The following MGAM variants were observed in gnomAD, a reference collection of about 807,000 sequenced individuals.
MGAM encodes the protein maltase-glucoamylase.
Under a neutral mutation model 358.8 loss-of-function variants are expected in MGAM, and 253 were observed. The ratio of observed to expected loss-of-function variants is 0.71; its 90% confidence interval spans 0.64 to 0.78. The LOEUF is 0.78. Among genes scored for constraint, MGAM ranks in the 30% least tolerant of loss-of-function variants. The probability of loss-of-function intolerance (pLI) is 0.00; values close to 1 mark genes in which losing one functional copy is unlikely to be tolerated. For missense variants in MGAM, 3,080 were observed against 3,432.6 expected (o/e 0.90, Z 2.57); for synonymous variants, 1,105 against 1,227.1 (o/e 0.90, Z 2.08).
At chr7:142,043,083 AAT>A (rs373020647) in intron 21 of MGAM, among the ~76,000 whole-genome samples, 1,326 of 54,908 alleles carry the variant, frequency 0.024, 37 homozygotes, top group Middle Eastern at 0.04. Flanking sequence ...ATCTAAATAT[AAT>A]ATATATATTA....
intron 3 of MGAM, among the ~76,000 whole-genome samples, chr7:142,016,285 C>T (rs894524840): frequency 4.6e-5 from 7 of 152,138 alleles, no homozygotes; most frequent in Non-Finnish European, 5.9e-5. Context: ...TTCACTACTC[C>T]TCTTCGTGTT....
intron 2 of MGAM, among the ~76,000 whole-genome samples, chr7:141,990,788 A>T (rs1554447129): frequency 6.6e-6 from 1 of 151,838 alleles, no homozygotes; most frequent in Non-Finnish European, 1.5e-5. Flanking sequence ...CGGTTCTGTT[A>T]TTTCTTACCT....
upstream of MGAM, among the ~76,000 whole-genome samples, chr7:141,993,669 C>T (rs1584880431): frequency 6.6e-6 from 1 of 152,172 alleles, no homozygotes; most frequent in East Asian, 1.9e-4. Flanking sequence ...CATATCTTTT[C>T]TTTGCTAAAT....
chr7:142,040,606 A>C (rs1808426017), intron 20 of MGAM, 116 bp from the exon 21 acceptor site: 1 of 1,322,540 alleles, frequency 7.6e-7, no homozygotes, highest in Non-Finnish European at 1.0e-6. Flanking sequence ...GCCTGGCTAG[A>C]CCATAATTCA....
At chr7:142,043,774 A>G in intron 21 of MGAM, among the ~76,000 whole-genome samples, 1 of 83,218 alleles carries the variant, frequency 1.2e-5, no homozygotes, top group Non-Finnish European at 2.8e-5. Flanking sequence ...TATATACATT[A>G]TATACACATA....
chr7:142,023,665 C>T (rs537032876), intron 7 of MGAM, among the ~76,000 whole-genome samples: 17 of 150,044 alleles, frequency 1.1e-4, no homozygotes, highest in African/African-American at 2.7e-4. Context: ...GGTGACAGAG[C>T]GAGACTCTGT....
intron 1 of MGAM, among the ~76,000 whole-genome samples, chr7:141,997,650 A>G (rs1298959316): frequency 6.6e-6 from 1 of 152,104 alleles, no homozygotes; most frequent in Non-Finnish European, 1.5e-5. Flanking sequence ...TGTCTCCTAG[A>G]GATGATCCTT....
At chr7:142,041,872 T>TG (rs1197355708) in intron 21 of MGAM, among the ~76,000 whole-genome samples, 1 of 102,100 alleles carries the variant, frequency 9.8e-6, no homozygotes, top group African/African-American at 3.8e-5. Flanking sequence ...TATATATATA[T>TG]TATATATATA....
intron 37 of MGAM, 39 bp downstream of exon 37, chr7:142,064,561 T>C: frequency 1.3e-6 from 2 of 1,555,400 alleles, no homozygotes; most frequent in Non-Finnish European, 1.7e-6. Context: ...TCACAACCTA[T>C]AGCGATTGCC....
intron 27 of MGAM, 130 bp downstream of exon 27, chr7:142,055,038 C>T: frequency 4.7e-6 from 5 of 1,062,322 alleles, no homozygotes; most frequent in Non-Finnish European, 6.7e-6. Context: ...TGAGTTGTTT[C>T]CTTCAGACCT....
At position 142,043,699 on chromosome 7, in the gene MGAM, ATATAT is replaced by A. The variant is rs890369044; in HGVS notation, c.2498+2859_2498+2863del. On this transcript the variant is annotated intron_variant, in intron 21 of 70. Coordinates refer to ENST00000475668, the MANE Select transcript of MGAM (RefSeq NM_001365693.1). ...ACATATACTATCTAATATATAATAC[ATATAT>A]TATATATCATGTAATATGTAATATA... 1.5e-4 allele frequency among the ~76,000 whole-genome samples: 21 copies of A among 137,698 alleles called. 1 individual carries two copies. Among genetic ancestry groups the A allele is most frequent in the African/African-American group, 2.9e-4 (11 of 37,806 alleles). The allele number at this position is 137,698 out of a possible 152,430, so 90.3% of individuals were successfully genotyped here. A position where few individuals can be genotyped will look rare whatever the true frequency, so the allele number is the denominator to read the frequency against.
intron 7 of MGAM, 44 bp from the exon 8 acceptor site, chr7:142,025,006 G>T: frequency 7.1e-7 from 1 of 1,410,292 alleles, no homozygotes; most frequent in South Asian, 1.2e-5. Context: ...GTGATGCTGA[G>T]ACTTCTTAGT....
Position 142,027,735 on chromosome 7 carries a change from T to C in MGAM, c.1221T>C (p.Tyr407=), listed in dbSNP as rs782757852. 5 of 1,600,198 alleles carry C rather than the reference T, an allele frequency of 3.1e-6. No homozygotes were observed. In the Admixed American group the frequency reaches 5.1e-5, roughly 16 times the overall value. The part of the protein sequence containing the change: ...VERNRAAQLP[Y]DVQHADIDYM... ...GAAATCGCGCAGCACAGCTCCCTTA[T>C]GTAAGCAAGGTTTTCAACAGTTCTC... The change falls in exon 10 of 71, where the codon TAT becomes TAC. Residue 407 remains tyrosine, a splice_region_variant and synonymous_variant. Coordinates refer to ENST00000475668, the MANE Select transcript of MGAM (RefSeq NM_001365693.1).
intron 1 of MGAM, among the ~76,000 whole-genome samples, chr7:141,997,420 A>G (rs370509716): frequency 8.5e-5 from 13 of 152,066 alleles, no homozygotes; most frequent in African/African-American, 3.1e-4. Context: ...TTTCAGTCAC[A>G]CTCTCACAAG....
intron 42 of MGAM, among the ~76,000 whole-genome samples, chr7:142,067,964 AAATATATATATATATATATATATTT>A (rs1812961601): frequency 3.2e-5 from 1 of 31,100 alleles, no homozygotes; most frequent in African/African-American, 9.9e-5. Flanking sequence ...ATATATATAT[AAATATATATATATATATATATATTT>A]TTTTTTTTTT....
In MGAM at chr7:142,086,689, G is replaced by A. The variant is rs771693678; in HGVS notation, c.6782G>A (p.Gly2261Glu). 13 of 1,118,438 alleles carry A rather than the reference G, an allele frequency of 1.2e-5. 4 individuals are homozygous for A. The highest frequency in any genetic ancestry group is 8.2e-5 in the Admixed American group (4 of 48,878). The allele number at this position is 1,118,438 out of a possible 1,614,324, so 69.3% of individuals were successfully genotyped here. A position where few individuals can be genotyped will look rare whatever the true frequency, so the allele number is the denominator to read the frequency against. The change falls in exon 57 of 71, where the codon GGG becomes GAG. Residue 2261 changes from glycine (G) to glutamate (E), a missense_variant. This residue lies in a region of MGAM where 932 missense variants were observed against 1,198.2 expected (regional missense o/e 0.78). Transcript: ENST00000475668. The part of the protein sequence containing the change: ...WPDFPDVVVN[G>E]SLDWDSQVEL... ...GATTTTCCTGATGTTGTTGTGAATGGGTCTCTAGACTGGGACAGTCAAGTG... is the reference window on the plus strand; with the variant it reads ...GATTTTCCTGATGTTGTTGTGAATGAGTCTCTAGACTGGGACAGTCAAGTG...
At position 142,086,015 on chromosome 7, in the gene MGAM, T is replaced by C. The variant is rs1376904166; in HGVS notation, c.6636+54T>C. 15 of 1,531,476 alleles carry C rather than the reference T, an allele frequency of 9.8e-6. 6 individuals are homozygous for C. Among genetic ancestry groups the C allele is most frequent in the Non-Finnish European group, 1.3e-5 (15 of 1,115,650 alleles). 94.9% of individuals were successfully genotyped at this position (1,531,476 alleles called of 1,614,324 possible). A position where few individuals can be genotyped will look rare whatever the true frequency, so the allele number is the denominator to read the frequency against. The stretch of plus-strand genomic sequence containing the variant: ...TGTTTGGGAGCAGGTATGGGTTTTG[T>C]TGGAGAAAGTGTTATACTTTATTTC... On this transcript the variant is annotated intron_variant, in intron 55 of 70. Transcript: ENST00000475668.
rs1200066249 is a variant in MGAM at position 142,074,981 on chromosome 7, C to T, written c.5275+808C>T. Among the ~76,000 whole-genome samples, 5 of 145,946 alleles carry T rather than the reference C, an allele frequency of 3.4e-5. 1 individual carries two copies. The highest frequency in any genetic ancestry group is 1.2e-4 in the African/African-American group (5 of 41,086). The stretch of plus-strand genomic sequence containing the variant: ...TCATCTAAGAACTGAAAGTTTGTAC[C>T]CTTGACCATCATCTCCCCATTTTCC... On this transcript the variant is annotated intron_variant, in intron 45 of 70. Coordinates refer to ENST00000475668, the MANE Select transcript of MGAM (RefSeq NM_001365693.1).
In MGAM at chr7:142,005,595, T is replaced by G; in HGVS notation, c.65T>G (p.Val22Gly). 1 of 1,587,042 alleles carries G rather than the reference T, an allele frequency of 6.3e-7. No homozygotes were observed. The highest frequency in any genetic ancestry group is 1.8e-5 in the Admixed American group (1 of 55,228). ...ATTGTGCTCAGTGTTCTTCTGCTTGTGTTGTTTATCATCAGTATTGTTCTA... is the reference window on the plus strand; with the variant it reads ...ATTGTGCTCAGTGTTCTTCTGCTTGGGTTGTTTATCATCAGTATTGTTCTA... ...LEIVLSVLLL[V>G]LFIISIVLIV... Residue 22 changes from valine to glycine, a missense_variant, in exon 2 of 71, where the codon GTG becomes GGG. By Grantham distance (109) the Val-to-Gly change is moderately radical. Transcript: ENST00000475668.
Sources: allele counts gnomAD v4.1 joint callset (sites outside exome capture counted in the v4.1 genomes callset), GRCh38; gene constraint gnomAD v4.1.1; regional missense constraint gnomAD v4.1.1; transcripts MANE v1.5; gene names NCBI Gene and HGNC (gene_info 2026-07-23, HGNC 2026-07-21).